Variants in PDSS1 observed in about 807,000 individuals in gnomAD.
PDSS1 encodes all trans-polyprenyl-diphosphate synthase PDSS1.
In PDSS1, 43 loss-of-function variants were observed where a neutral mutation model predicts 57.5. The ratio of observed to expected loss-of-function variants is 0.75; its 90% CI spans 0.59 to 0.96. The LOEUF is 0.96. PDSS1 is among the 50% of genes least tolerant of loss of function. The probability of loss-of-function intolerance (pLI) is 0.00; values close to 1 mark genes in which losing one functional copy is unlikely to be tolerated. For synonymous variants in PDSS1, 175 were observed against 191.3 expected, an observed-to-expected ratio of 0.91 and a Z score of 0.70; for missense variants, 438 against 527.8, an observed-to-expected ratio of 0.83 and a Z score of 1.67.
At chr10:26,708,211 G>C (rs1289800013) in intron 4 of PDSS1, among the ~76,000 whole-genome samples, 1 of 152,342 alleles carries the variant, frequency 6.6e-6, no homozygotes, top group South Asian at 2.1e-4. Context: ...GTAATTTACT[G>C]AATGAACGAT....
intron 1 of PDSS1, among the ~76,000 whole-genome samples, chr10:26,701,038 G>T (rs1394469181): frequency 6.6e-6 from 1 of 152,132 alleles, no homozygotes; most frequent in Non-Finnish European, 1.5e-5. Context: ...AGGCTGAGGT[G>T]GTCTCAGATG....
intron 10 of PDSS1, among the ~76,000 whole-genome samples, chr10:26,739,100 T>C (rs1836499457): frequency 6.6e-6 from 1 of 152,228 alleles, no homozygotes; most frequent in Admixed American, 6.5e-5. Context: ...CAAACGTCAG[T>C]TGTAGCCACG....
intron 2 of PDSS1, among the ~76,000 whole-genome samples, chr10:26,702,976 C>T (rs916331984): frequency 2.6e-5 from 4 of 152,334 alleles, no homozygotes; most frequent in African/African-American, 9.6e-5. Context: ...TCTCACCTCC[C>T]TTTGAAAAAC....
intron 8 of PDSS1, chr10:26,734,646 A>C: frequency 2.2e-6 from 1 of 456,230 alleles, no homozygotes; most frequent in South Asian, 1.5e-5. Flanking sequence ...ATAATGAAAG[A>C]GCGATATCTG....
At chr10:26,701,839 C>T (rs550832883) in intron 1 of PDSS1, 20 of 454,490 alleles carry the variant, frequency 4.4e-5, no homozygotes, top group African/African-American at 6.0e-5. Flanking sequence ...CAGCTTCCAC[C>T]GTGCACCTGG....
At chr10:26,732,046 T>A (rs940823624) in intron 8 of PDSS1, among the ~76,000 whole-genome samples, 1 of 152,276 alleles carries the variant, frequency 6.6e-6, no homozygotes, top group Non-Finnish European at 1.5e-5. Flanking sequence ...CAGCACAGCC[T>A]GGCTGCAGCA....
chr10:26,723,999 T>C lies in PDSS1; in HGVS notation c.722-15T>C. ...ATAAAGCCACCTCTCAAATGACTCCTTTCCTTCTTTATAGGTGAATTTCTT... is the reference window on the plus strand; with the variant it reads ...ATAAAGCCACCTCTCAAATGACTCCCTTCCTTCTTTATAGGTGAATTTCTT... On this transcript the variant is annotated splice_polypyrimidine_tract_variant and intron_variant, in intron 7 of 11. Transcript: ENST00000376215. 1 of 1,607,352 alleles carries C rather than the reference T, an allele frequency of 6.2e-7. No individual in the cohort carries two copies. Among genetic ancestry groups the C allele is most frequent in the Non-Finnish European group, 8.5e-7 (1 of 1,173,838 alleles).
chr10:26,709,502 A>C, intron 4 of PDSS1, 136 bp from the exon 5 acceptor site: 4 of 855,272 alleles, frequency 4.7e-6, no homozygotes, highest in Non-Finnish European at 7.7e-6. Flanking sequence ...CGGAGGTTAC[A>C]ATGAGCTGAG....
chr10:26,745,110 G>A (rs1836787141), intron 11 of PDSS1, among the ~76,000 whole-genome samples: 1 of 152,028 alleles, frequency 6.6e-6, no homozygotes, highest in African/African-American at 2.4e-5. Context: ...GTTGCAGTGA[G>A]CCAAGATCAC....
intron 5 of PDSS1, among the ~76,000 whole-genome samples, chr10:26,709,993 A>G (rs1467770672): frequency 6.6e-6 from 1 of 152,004 alleles, no homozygotes; most frequent in African/African-American, 2.4e-5. Context: ...TCTACTAAAA[A>G]TACAAAAAAA....
At chr10:26,704,002 A>T (rs1588668709) in intron 2 of PDSS1, among the ~76,000 whole-genome samples, 1 of 146,388 alleles carries the variant, frequency 6.8e-6, no homozygotes, top group African/African-American at 2.5e-5. Flanking sequence ...AATGGCGTGA[A>T]CCCTGGGGGG....
intron 11 of PDSS1, among the ~76,000 whole-genome samples, 154 bp from the exon 12 acceptor site, chr10:26,746,179 C>G (rs906444265): frequency 1.3e-5 from 2 of 152,110 alleles, no homozygotes; most frequent in African/African-American, 4.8e-5. Flanking sequence ...CACTATGAGT[C>G]GGGAAAAGAA....
intron 5 of PDSS1, among the ~76,000 whole-genome samples, chr10:26,716,774 G>T (rs934641173): frequency 1.3e-5 from 2 of 151,750 alleles, no homozygotes; most frequent in African/African-American, 4.9e-5. Context: ...GCATACTCTT[G>T]CAGGTGTGAA....
At chr10:26,731,787 G>A (rs754088625) in intron 8 of PDSS1, among the ~76,000 whole-genome samples, 5 of 152,156 alleles carry the variant, frequency 3.3e-5, no homozygotes, top group Non-Finnish European at 4.4e-5. Flanking sequence ...AGATGCTTAA[G>A]GGCCATTTAT....
intron 10 of PDSS1, among the ~76,000 whole-genome samples, chr10:26,738,416 A>C (rs1836474547): frequency 6.6e-6 from 1 of 152,196 alleles, no homozygotes; most frequent in African/African-American, 2.4e-5. Context: ...TACATCATAC[A>C]TAGTGTTATT....
At chr10:26,705,914 T>G (rs963196023) in intron 4 of PDSS1, among the ~76,000 whole-genome samples, 2 of 152,190 alleles carry the variant, frequency 1.3e-5, no homozygotes, top group Admixed American at 6.5e-5. Context: ...ATGGCAGGGT[T>G]GGGAACCTGA....
intron 5 of PDSS1, among the ~76,000 whole-genome samples, chr10:26,712,008 T>C (rs1205345602): frequency 2.5e-5 from 2 of 81,078 alleles, no homozygotes; most frequent in East Asian, 3.0e-4. Flanking sequence ...TTTCTTTTTT[T>C]TTTTTTTTTT....
intron 2 of PDSS1, among the ~76,000 whole-genome samples, chr10:26,703,058 T>A (rs2132211647): frequency 6.6e-6 from 1 of 152,338 alleles, no homozygotes; most frequent in African/African-American, 2.4e-5. Context: ...GTATATTGTG[T>A]ACCAGGCTCT....
rs916007428 is a variant in PDSS1, at chr10:26,701,459, C to T, written c.130-703C>T. On this transcript the variant is annotated intron_variant, in intron 1 of 11. Transcript: ENST00000376215. Reference sequence around the variant, plus strand: ...GCCCTGCTGCTCTGTGCAAGAGCAGCCCTGGGACTTGGTGCCCTGCTTCCC... The same window carrying T: ...GCCCTGCTGCTCTGTGCAAGAGCAGTCCTGGGACTTGGTGCCCTGCTTCCC... 5.3e-5 allele frequency among the ~76,000 whole-genome samples: 8 copies of T among 152,156 alleles called. No homozygotes were observed. The East Asian group carries it at 1.4e-3, about 26-fold the overall frequency.
Sources: allele counts gnomAD v4.1 joint callset (sites outside exome capture counted in the v4.1 genomes callset), GRCh38; gene constraint gnomAD v4.1.1; transcripts MANE v1.5; gene names NCBI Gene and HGNC (gene_info 2026-07-23, HGNC 2026-07-21).